C10orf90: variants seen among roughly 807,000 people sequenced by gnomAD.
C10orf90 encodes the protein chromosome 10 open reading frame 90, also known as (E2-independent) E3 ubiquitin-conjugating enzyme FATS.
C10orf90 carries 56 observed loss-of-function variants against 62.5 expected under a neutral mutation model. That is an observed-to-expected ratio of 0.90 (90% confidence interval 0.72 to 1.12). The LOEUF is 1.12. Ranked by LOEUF, C10orf90 falls within the 50% of genes most tolerant of loss-of-function variation. The pLI is 0.00. For synonymous variants in C10orf90, 386 were observed against 340.4 expected (o/e 1.13, Z -1.47); for missense variants, 970 against 880.4 (o/e 1.10, Z -1.29).
At chr10:126,431,345 C>G (rs570726288) in intron 7 of C10orf90, among the ~76,000 whole-genome samples, 74 of 152,284 alleles carry the variant, frequency 4.9e-4, no homozygotes, top group African/African-American at 1.7e-3. Flanking sequence ...ACAAGGAAAT[C>G]TCCCAGCTTT....
intron 1 of C10orf90, among the ~76,000 whole-genome samples, chr10:126,653,094 C>T (rs756691013): frequency 6.6e-6 from 1 of 152,240 alleles, no homozygotes; most frequent in Non-Finnish European, 1.5e-5. Flanking sequence ...GAGCCTTCAA[C>T]AAGTTGCAAT....
At chr10:126,573,832 C>T (rs543001899) in intron 2 of C10orf90, among the ~76,000 whole-genome samples, 1 of 148,486 alleles carries the variant, frequency 6.7e-6, no homozygotes, top group Non-Finnish European at 1.5e-5. Flanking sequence ...TCTAACTTTG[C>T]TTTTTTTTTT....
At position 126,464,842 on chromosome 10, in the gene C10orf90, C is replaced by G. The variant is rs1860188579; in HGVS notation, c.1679G>C (p.Arg560Thr). Residue 560 changes from arginine (R) to threonine (T), a missense_variant, in exon 5 of 10, where the codon AGA (arginine) becomes ACA (threonine). Arg to Thr is a moderately conservative substitution (Grantham distance 71). Coordinates refer to ENST00000488181, the MANE Select transcript of C10orf90 (RefSeq NM_001350921.2). ...DSSPSDDCLSRDLSEPTERRH... is the reference protein window; with the variant it reads ...DSSPSDDCLSTDLSEPTERRH... ...TCTCTCTGTGGGCTCAGAAAGGTCT[C>G]TAGACAGACAGTCATCGCTTGGAGA... is the stretch of plus-strand genomic sequence containing the variant. 1.2e-6 allele frequency: 2 copies of G among 1,614,036 alleles called. No individual in the cohort carries two copies. The highest frequency in any genetic ancestry group is 1.3e-5 in the African/African-American group (1 of 74,902).
In C10orf90 at chr10:126,531,637, GA is replaced by G. The variant is rs1248565793; in HGVS notation, c.314-17699del. ...TCAAATGCTTCACAAAAATTAACTT[GA>G]AAAAAATCACAGACCTTGCTCTAAC... On this transcript the variant is annotated intron_variant, in intron 2 of 9. Coordinates refer to ENST00000488181, the MANE Select transcript of C10orf90 (RefSeq NM_001350921.2). Among the ~76,000 whole-genome samples the G allele has an allele frequency of 2.0e-5, 3 of 151,966 alleles. No individual in the cohort carries two copies. The East Asian group carries it at 5.8e-4, about 29-fold the overall frequency.
intron 3 of C10orf90, among the ~76,000 whole-genome samples, chr10:126,513,230 A>C (rs1333382783): frequency 2.0e-5 from 3 of 152,224 alleles, no homozygotes; most frequent in Non-Finnish European, 4.4e-5. Flanking sequence ...AGAGCCAGGC[A>C]GGTTATACGA....
rs1477736317 is a variant in C10orf90, at chr10:126,503,837, C to T, written c.1534+120G>A. On this transcript the variant is annotated intron_variant, in intron 4 of 9. Coordinates refer to ENST00000488181, the MANE Select transcript of C10orf90 (RefSeq NM_001350921.2). ...GTTGTCAACTATGAGCAGAGCAGATCACTGCAAGTCTACTGAGAAATGCCT... is the reference window on the plus strand; with the variant it reads ...GTTGTCAACTATGAGCAGAGCAGATTACTGCAAGTCTACTGAGAAATGCCT... The T allele has an allele frequency of 3.3e-6, 4 of 1,217,920 alleles. No individual in the cohort carries two copies. In the South Asian group the frequency reaches 4.7e-5, roughly 14 times the overall value. 75.4% of individuals were successfully genotyped at this position (1,217,920 alleles called of 1,614,324 possible).
At chr10:126,587,885 A>G (rs79099962) in intron 2 of C10orf90, among the ~76,000 whole-genome samples, 38 of 152,316 alleles carry the variant, frequency 2.5e-4, no homozygotes, top group African/African-American at 7.9e-4. Context: ...TTGAATTACA[A>G]TTGTGAGCCA....
chr10:126,644,038 T>C (rs1846116317), intron 2 of C10orf90, among the ~76,000 whole-genome samples: 1 of 152,162 alleles, frequency 6.6e-6, no homozygotes, highest in South Asian at 2.1e-4. Context: ...GCCTCACCCT[T>C]GGCCTGTTTT....
rs145953542 is a variant in C10orf90 at position 126,535,546 on chromosome 10, C to T, written c.314-21607G>A. Among the ~76,000 whole-genome samples the T allele has an allele frequency of 5.3e-5, 8 of 151,780 alleles. No homozygotes were observed. In the East Asian group the frequency reaches 7.8e-4, roughly 15 times the overall value. ...AAAAAAAAAAAAATTGTCTTCTGTC[C>T]GACAAGTTAATGAGTGCAGCACACC... On this transcript the variant is annotated intron_variant, in intron 2 of 9. Transcript: ENST00000488181.
At chr10:126,572,676 G>A (rs1844531140) in intron 2 of C10orf90, among the ~76,000 whole-genome samples, 1 of 152,108 alleles carries the variant, frequency 6.6e-6, no homozygotes, top group African/African-American at 2.4e-5. Flanking sequence ...TTCATGATCT[G>A]TATTTTGTCC....
chr10:126,513,270 G>A (rs989416359), intron 3 of C10orf90, among the ~76,000 whole-genome samples: 4 of 152,210 alleles, frequency 2.6e-5, no homozygotes, highest in Non-Finnish European at 2.9e-5. Flanking sequence ...GTCACCTACT[G>A]AAGCTGTAGT....
chr10:126,637,755 G>A (rs1466138145), intron 2 of C10orf90, among the ~76,000 whole-genome samples: 3 of 152,154 alleles, frequency 2.0e-5, no homozygotes, highest in Non-Finnish European at 2.9e-5. Context: ...TGGAGTGCAG[G>A]GTGCAGGACC....
intron 1 of C10orf90, among the ~76,000 whole-genome samples, chr10:126,669,054 G>A (rs1846693744): frequency 6.6e-6 from 1 of 152,128 alleles, no homozygotes; most frequent in African/African-American, 2.4e-5. Flanking sequence ...CTGGAGGACT[G>A]GAAAATAACC....
At chr10:126,571,227 G>A (rs1274799989) in intron 2 of C10orf90, among the ~76,000 whole-genome samples, 7 of 152,262 alleles carry the variant, frequency 4.6e-5, no homozygotes, top group Non-Finnish European at 1.0e-4. Flanking sequence ...TTAGAAGTGA[G>A]TGTAATGCAG....
At chr10:126,489,888 A>T (rs1861625052) in intron 4 of C10orf90, among the ~76,000 whole-genome samples, 1 of 147,276 alleles carries the variant, frequency 6.8e-6, no homozygotes, top group African/African-American at 2.5e-5. Flanking sequence ...TACATAGAAT[A>T]TTAGCCCTTT....
intron 2 of C10orf90, among the ~76,000 whole-genome samples, chr10:126,548,544 T>C (rs1235209442): frequency 6.6e-6 from 1 of 152,102 alleles, no homozygotes; most frequent in Non-Finnish European, 1.5e-5. Context: ...TTTTTGTATT[T>C]TTAGTAGAGA....
chr10:126,498,615 C>G (rs549812504), intron 4 of C10orf90, among the ~76,000 whole-genome samples: 2 of 152,324 alleles, frequency 1.3e-5, no homozygotes, highest in East Asian at 3.9e-4. Context: ...GCTCAGATCT[C>G]CCTTCAGGAA....
At chr10:126,448,034 T>C (rs902575773) in intron 7 of C10orf90, among the ~76,000 whole-genome samples, 2 of 143,506 alleles carry the variant, frequency 1.4e-5, no homozygotes, top group African/African-American at 5.3e-5. Flanking sequence ...TTTTTTTTTT[T>C]TTTTTTTTTG....
chr10:126,653,954 A>G (rs541174592), intron 1 of C10orf90, among the ~76,000 whole-genome samples: 34 of 152,314 alleles, frequency 2.2e-4, no homozygotes, highest in Non-Finnish European at 2.9e-4. Context: ...ATGAGCGGTA[A>G]TATTTTGAAA....
Sources: allele counts gnomAD v4.1 joint callset (sites outside exome capture counted in the v4.1 genomes callset), GRCh38; gene constraint gnomAD v4.1.1; transcripts MANE v1.5; gene names NCBI Gene and HGNC (gene_info 2026-07-23, HGNC 2026-07-21).